Variants in MTMR9 observed in about 807,000 individuals in gnomAD.
MTMR9 encodes the protein myotubularin related protein 9.
MTMR9 carries 39 observed loss-of-function variants against 69.5 expected under a neutral mutation model. That is an observed-to-expected ratio of 0.56 (90% CI 0.43 to 0.73). MTMR9 has a LOEUF of 0.73. MTMR9 is among the 30% of genes least tolerant of loss of function. MTMR9 has a pLI of 0.00. For synonymous variants in MTMR9, 354 were observed against 240.8 expected (o/e 1.47, Z -4.35); for missense variants, 900 against 671.2 (o/e 1.34, Z -3.77).
intron 1 of MTMR9, among the ~76,000 whole-genome samples, chr8:11,285,633 C>T (rs1335880570): frequency 6.6e-6 from 1 of 152,100 alleles, no homozygotes; most frequent in Non-Finnish European, 1.5e-5. Flanking sequence ...TTACTCAATT[C>T]TGCTTGCTGA....
chr8:11,309,824 A>G (rs1021084324), intron 6 of MTMR9, 136 bp downstream of exon 6: 1 of 841,764 alleles, frequency 1.2e-6, no homozygotes, highest in African/African-American at 1.7e-5. Flanking sequence ...CCATCCCATT[A>G]TTGATGAGGT....
At chr8:11,299,179 A>C (rs1799663590) in intron 2 of MTMR9, among the ~76,000 whole-genome samples, 1 of 152,078 alleles carries the variant, frequency 6.6e-6, no homozygotes, top group African/African-American at 2.4e-5. Context: ...AATACAAAAA[A>C]ATTAGCTGGG....
At position 11,319,745 on chromosome 8, in the gene MTMR9, A is replaced by T. The variant is rs754607907; in HGVS notation, c.1393A>T (p.Ser465Cys). 1.2e-5 allele frequency: 19 copies of T among 1,614,108 alleles called. No homozygotes were observed. The highest frequency in any genetic ancestry group is 1.6e-5 in the Non-Finnish European group (19 of 1,180,032). The change falls in exon 9 of 10, where the codon AGT becomes TGT. Residue 465 changes from serine (S) to cysteine (C), a missense_variant. Transcript: ENST00000221086. ...MSLWSWVNQP[S>C]ELSKFTNPLF... ...TTTGTGGTCCTGGGTTAATCAGCCCAGTGAGCTGAGTAAATTCACCAATCC... is the reference window on the plus strand; with the variant it reads ...TTTGTGGTCCTGGGTTAATCAGCCCTGTGAGCTGAGTAAATTCACCAATCC...
intron 1 of MTMR9, among the ~76,000 whole-genome samples, chr8:11,290,128 G>A (rs375960122): frequency 1.3e-5 from 2 of 152,056 alleles, no homozygotes; most frequent in African/African-American, 2.4e-5. Context: ...ATTTGGTATT[G>A]TCTTTCTAAT....
downstream of MTMR9, chr8:11,331,656 A>T: frequency 3.1e-6 from 5 of 1,612,100 alleles, no homozygotes; most frequent in Non-Finnish European, 4.2e-6. Context: ...ACAGGAGGGG[A>T]CCACAGGTGT....
Position 11,319,730 on chromosome 8 carries a change from T to G in MTMR9, c.1378T>G (p.Trp460Gly), listed in dbSNP as rs750444289. The G allele has an allele frequency of 6.2e-7, 1 of 1,614,182 alleles. No homozygotes were observed. The highest frequency in any genetic ancestry group is 8.5e-7 in the Non-Finnish European group (1 of 1,180,024). The change falls in exon 9 of 10, where the codon TGG (tryptophan) becomes GGG (glycine). Residue 460 changes from tryptophan (W) to glycine (G), a missense_variant. Trp to Gly is a radical substitution (Grantham distance 184). Coordinates refer to ENST00000221086, the MANE Select transcript of MTMR9 (RefSeq NM_015458.4). The stretch of plus-strand genomic sequence containing the variant: ...GCAGAAGACGATGTCTTTGTGGTCC[T>G]GGGTTAATCAGCCCAGTGAGCTGAG... Reference protein sequence around the residue: ...LQQKTMSLWSWVNQPSELSKF... With the variant: ...LQQKTMSLWSGVNQPSELSKF...
the MTMR9 span, among the ~76,000 whole-genome samples, chr8:11,339,097 A>C: frequency 2.0e-5 from 3 of 152,214 alleles, no homozygotes; most frequent in Non-Finnish European, 4.4e-5. Context: ...TCCAGGACTA[A>C]AGGATGCAGG....
rs918222299 is a variant in MTMR9 at position 11,285,472 on chromosome 8, T to G, written c.182+402T>G. On this transcript the variant is annotated intron_variant, in intron 1 of 9. Transcript: ENST00000221086. ...AGTCTTTACCATTTCTGAGGAAAAC[T>G]AAACAGATTATAAAGTTATGAGTGT... Among the ~76,000 whole-genome samples the G allele has an allele frequency of 3.3e-5, 5 of 152,234 alleles. No homozygotes were observed. The East Asian group carries it at 7.7e-4, about 23-fold the overall frequency.
intron 6 of MTMR9, among the ~76,000 whole-genome samples, chr8:11,310,044 G>A (rs903999355): frequency 1.3e-5 from 2 of 151,836 alleles, no homozygotes; most frequent in African/African-American, 2.4e-5. Context: ...TTAGAGGAGC[G>A]AACTTACCTC....
chr8:11,291,195 G>C (rs1317163935), intron 1 of MTMR9, among the ~76,000 whole-genome samples: 1 of 151,958 alleles, frequency 6.6e-6, no homozygotes, highest in African/African-American at 2.4e-5. Flanking sequence ...AGATTAATTG[G>C]AGTCAAATTG....
At chr8:11,309,477 ATCTT>A (rs755128618) in intron 5 of MTMR9, 46 bp from the exon 6 acceptor site, 2 of 1,517,188 alleles carry the variant, frequency 1.3e-6, no homozygotes, top group South Asian at 2.5e-5. Context: ...TGGTTTCTTT[ATCTT>A]TCTATTTTCT....
At chr8:11,297,788 A>C in intron 2 of MTMR9, 1 of 448,068 alleles carries the variant, frequency 2.2e-6, no homozygotes, top group Non-Finnish European at 4.5e-6. Flanking sequence ...GACTGAAAAG[A>C]AGCCGTAAAT....
downstream of MTMR9, chr8:11,332,275 T>C: frequency 8.1e-7 from 1 of 1,238,228 alleles, no homozygotes; most frequent in Non-Finnish European, 1.1e-6. Flanking sequence ...AATATTGAGA[T>C]GTTCAGTTAT....
the MTMR9 span, among the ~76,000 whole-genome samples, chr8:11,339,282 G>A: frequency 1.3e-5 from 2 of 152,190 alleles, no homozygotes; most frequent in Middle Eastern, 3.2e-3. Context: ...CAAAGCCTCT[G>A]ACAATTGGTA....
At chr8:11,328,750 C>T (rs1364439387), downstream of MTMR9, among the ~76,000 whole-genome samples, 1 of 152,158 alleles carries the variant, frequency 6.6e-6, no homozygotes, top group Non-Finnish European at 1.5e-5. Flanking sequence ...GGAGAAAATA[C>T]TAACTTTATA....
chr8:11,338,075 G>T, the MTMR9 span, among the ~76,000 whole-genome samples: 5 of 152,266 alleles, frequency 3.3e-5, no homozygotes, highest in Non-Finnish European at 7.3e-5. Flanking sequence ...GTGGGGAAAA[G>T]ATTGGGAAAG....
chr8:11,329,437 C>G (rs528253814), downstream of MTMR9, among the ~76,000 whole-genome samples: 1 of 152,250 alleles, frequency 6.6e-6, no homozygotes, highest in Non-Finnish European at 1.5e-5. Context: ...CCTCAGCCTG[C>G]CGAGTGCCTG....
At chr8:11,329,329 C>T (rs954800910), downstream of MTMR9, among the ~76,000 whole-genome samples, 1 of 152,232 alleles carries the variant, frequency 6.6e-6, no homozygotes, top group South Asian at 2.1e-4. Context: ...GGAGTTCCCT[C>T]TCCCTCTCTT....
At chr8:11,316,553 A>C in intron 7 of MTMR9, 120 bp from the exon 8 acceptor site, 1 of 587,092 alleles carries the variant, frequency 1.7e-6, no homozygotes, top group Non-Finnish European at 2.9e-6. Context: ...CAGCTACCCT[A>C]ATTATATGAT....
Sources: gnomAD v4.1 joint callset for allele counts (sites outside exome capture counted in the v4.1 genomes callset) on GRCh38, gnomAD v4.1.1 for gene constraint, MANE v1.5 for transcripts, NCBI Gene and HGNC (gene_info 2026-07-23, HGNC 2026-07-21) for gene names.